Variants in TAMM41 observed in about 807,000 individuals in gnomAD.
The protein encoded by TAMM41 is TAM41 mitochondrial translocator assembly and maintenance homolog, also known as phosphatidate cytidylyltransferase, mitochondrial.
A neutral mutation model predicts 44.1 loss-of-function variants in TAMM41; 36 were observed. The observed-to-expected ratio is 0.82, with a 90% CI of 0.63 to 1.08. The LOEUF is 1.08. Ranked by LOEUF, TAMM41 falls within the 50% of genes least tolerant of loss-of-function variation. TAMM41 has a pLI of 0.00. For missense variants in TAMM41, 417 were observed against 404.3 expected (o/e 1.03, Z -0.27); for synonymous variants, 164 against 153.1 (o/e 1.07, Z -0.53).
At position 11,790,444 on chromosome 3, in the gene TAMM41, C is replaced by CTTTTTTT; in HGVS notation, c.*60_*61insAAAAAAA. 7.0e-7 allele frequency: 1 copy of CTTTTTTT among 1,431,746 alleles called. No individual in the cohort carries two copies. Among genetic ancestry groups the CTTTTTTT allele is most frequent in the Non-Finnish European group, 9.8e-7 (1 of 1,019,528 alleles). The allele number at this position is 1,431,746 out of a possible 1,614,324, so 88.7% of individuals were successfully genotyped here. A position where few individuals can be genotyped will look rare whatever the true frequency, so the allele number is the denominator to read the frequency against. On this transcript the variant is annotated 3_prime_UTR_variant, in exon 8 of 8. Coordinates refer to ENST00000455809, the MANE Select transcript of TAMM41 (RefSeq NM_001284401.2). ...ATGGGTCAAAGTAACAAACACTGTT[C>CTTTTTTT]TGTCAAAAAGGATCAAACACTTTAT...
intron 4 of TAMM41, among the ~76,000 whole-genome samples, chr3:11,823,124 T>A (rs2125007739): frequency 6.6e-6 from 1 of 152,326 alleles, no homozygotes. Flanking sequence ...ATTTCCCTAA[T>A]ACCTATGATG....
the TAMM41 span, among the ~76,000 whole-genome samples, chr3:11,764,743 C>T: frequency 2.0e-5 from 3 of 151,980 alleles, no homozygotes; most frequent in African/African-American, 7.3e-5. Context: ...CCGCCTGCCT[C>T]GGTCTCCCAA....
At chr3:11,779,405 G>A in the TAMM41 span, among the ~76,000 whole-genome samples, 1 of 152,168 alleles carries the variant, frequency 6.6e-6, no homozygotes, top group Non-Finnish European at 1.5e-5. Context: ...ACTCCAGTGA[G>A]AATGGTAAAG....
At chr3:11,777,126 C>T in the TAMM41 span, among the ~76,000 whole-genome samples, 1 of 152,244 alleles carries the variant, frequency 6.6e-6, no homozygotes, top group Admixed American at 6.5e-5. Flanking sequence ...CCTAAGTGTT[C>T]TCACCACACA....
intron 7 of TAMM41, among the ~76,000 whole-genome samples, chr3:11,802,135 T>C (rs766969626): frequency 1.3e-5 from 2 of 152,150 alleles, no homozygotes; most frequent in Admixed American, 6.6e-5. Flanking sequence ...GGAGGATTGC[T>C]TAAGCCTGGG....
At chr3:11,817,898 C>A (rs1304855203) in intron 4 of TAMM41, among the ~76,000 whole-genome samples, 1 of 152,162 alleles carries the variant, frequency 6.6e-6, no homozygotes, top group Non-Finnish European at 1.5e-5. Flanking sequence ...TTTTAAATTG[C>A]AAGTGATGAG....
chr3:11,813,874 G>GTA (rs1399068218), intron 5 of TAMM41, among the ~76,000 whole-genome samples: 156 of 139,656 alleles, frequency 1.1e-3, no homozygotes, highest in African/African-American at 3.7e-3. Flanking sequence ...GTATATATAT[G>GTA]TATATATGTA....
chr3:11,744,903 GCCCAGGCT>G, the TAMM41 span, among the ~76,000 whole-genome samples: 2 of 149,736 alleles, frequency 1.3e-5, no homozygotes, highest in African/African-American at 5.0e-5. Flanking sequence ...TTGCTCTGTT[GCCCAGGCT>G]GGAGTATAGT....
At chr3:11,754,202 G>A in the TAMM41 span, among the ~76,000 whole-genome samples, 4 of 151,866 alleles carry the variant, frequency 2.6e-5, no homozygotes, top group East Asian at 1.9e-4. Flanking sequence ...CAAAACTTGC[G>A]CAAAGCCACC....
chr3:11,733,000 G>GTTTTTTTT, the TAMM41 span, among the ~76,000 whole-genome samples: 1 of 85,550 alleles, frequency 1.2e-5, no homozygotes. Flanking sequence ...TTTTTTTTTT[G>GTTTTTTTT]TTTGTTTGTT....
intron 4 of TAMM41, among the ~76,000 whole-genome samples, chr3:11,825,375 G>A (rs2078706016): frequency 6.6e-6 from 1 of 152,182 alleles, no homozygotes; most frequent in Non-Finnish European, 1.5e-5. Flanking sequence ...CTGAGGCACA[G>A]AGAAGCAGGC....
At chr3:11,781,814 G>A in the TAMM41 span, among the ~76,000 whole-genome samples, 1 of 151,668 alleles carries the variant, frequency 6.6e-6, no homozygotes, top group Non-Finnish European at 1.5e-5. Flanking sequence ...TTTTGTCCCA[G>A]TCGTCAACAA....
At chr3:11,837,887 C>A (rs2079251572) in intron 3 of TAMM41, among the ~76,000 whole-genome samples, 1 of 152,188 alleles carries the variant, frequency 6.6e-6, no homozygotes, top group African/African-American at 2.4e-5. Flanking sequence ...GGGAGGGCAG[C>A]AGGAGGGAGA....
the TAMM41 span, among the ~76,000 whole-genome samples, chr3:11,736,637 G>A: frequency 3.9e-5 from 6 of 152,104 alleles, no homozygotes; most frequent in African/African-American, 7.2e-5. Flanking sequence ...GGGCCTCAGC[G>A]CACCCTGCTT....
chr3:11,734,878 C>CAAAAAAAAAAAAAAA, the TAMM41 span, among the ~76,000 whole-genome samples: 4 of 73,308 alleles, frequency 5.5e-5, no homozygotes, highest in African/African-American at 2.1e-4. Context: ...TACTAAAATA[C>CAAAAAAAAAAAAAAA]AAAAAAAAAA....
At chr3:11,782,137 T>C in the TAMM41 span, among the ~76,000 whole-genome samples, 1 of 152,126 alleles carries the variant, frequency 6.6e-6, no homozygotes, top group Non-Finnish European at 1.5e-5. Flanking sequence ...GGCCCAAAGA[T>C]GGGGTGTGAT....
chr3:11,754,416 C>T, the TAMM41 span, among the ~76,000 whole-genome samples: 1 of 152,092 alleles, frequency 6.6e-6, no homozygotes, highest in Admixed American at 6.6e-5. Flanking sequence ...CTCTATAACC[C>T]AGGCTGGAGT....
At chr3:11,804,423 C>T (rs151275771) in intron 7 of TAMM41, among the ~76,000 whole-genome samples, 12 of 152,244 alleles carry the variant, frequency 7.9e-5, no homozygotes, top group South Asian at 6.2e-4. Context: ...TATTTTGAAG[C>T]AAATCCCAGA....
chr3:11,800,545 G>GAC (rs1559270760), intron 7 of TAMM41, among the ~76,000 whole-genome samples: 1 of 27,954 alleles, frequency 3.6e-5, no homozygotes, highest in Non-Finnish European at 6.4e-5. Context: ...ATCAAAAACA[G>GAC]TTAAAAAAAA....
Sources: gnomAD v4.1 joint callset for allele counts (sites outside exome capture counted in the v4.1 genomes callset) on GRCh38, gnomAD v4.1.1 for gene constraint, MANE v1.5 for transcripts, NCBI Gene and HGNC (gene_info 2026-07-23, HGNC 2026-07-21) for gene names.